The following DPP10 variants were observed in gnomAD, a reference collection of about 807,000 sequenced individuals.
DPP10 encodes dipeptidyl peptidase like 10.
A neutral mutation model predicts 120.9 loss-of-function variants in DPP10; 33 were observed. The observed-to-expected ratio is 0.27, with a 90% CI of 0.21 to 0.37. DPP10 has a LOEUF of 0.37. Ranked by LOEUF, DPP10 falls within the 10% of genes least tolerant of loss-of-function variation. DPP10 has a pLI of 1.00. For synonymous variants in DPP10, 337 were observed against 326.1 expected (o/e 1.03, Z -0.36); for missense variants, 816 against 942.8 (o/e 0.87, Z 1.76).
chr2:114,443,281 G>A (rs186358741), intron 1 of DPP10, among the ~76,000 whole-genome samples: 6 of 152,074 alleles, frequency 3.9e-5, no homozygotes. Context: ...ATCCTTCATT[G>A]TGAGCATTGA....
intron 1 of DPP10, among the ~76,000 whole-genome samples, chr2:115,244,255 G>T (rs867672844): frequency 0.059 from 8,048 of 137,428 alleles, 211 homozygotes; most frequent in Middle Eastern, 0.086. Context: ...GAGAGAGAGA[G>T]AGAGAGAGAG....
At chr2:114,991,300 T>C (rs1008414021) in intron 1 of DPP10, among the ~76,000 whole-genome samples, 2 of 152,092 alleles carry the variant, frequency 1.3e-5, no homozygotes, top group Non-Finnish European at 2.9e-5. Context: ...AAGAGAAAGG[T>C]AGAGTGTTCA....
At chr2:115,594,574 C>G (rs2082876550) in intron 5 of DPP10, among the ~76,000 whole-genome samples, 1 of 152,146 alleles carries the variant, frequency 6.6e-6, no homozygotes, top group African/African-American at 2.4e-5. Context: ...TTTAGCTCTC[C>G]AGTGAAAGTT....
chr2:115,317,519 G>C lies in DPP10; in HGVS notation c.175+8166G>C, dbSNP rs189797457. On this transcript the variant is annotated intron_variant, in intron 2 of 25. Transcript: ENST00000410059. ...ATTGCTAGATCCTATGGTAATTTCT[G>C]TGTTTAAATGTCTGAAGAACTATTT... is the stretch of plus-strand genomic sequence containing the variant. Among the ~76,000 whole-genome samples, 351 of 152,150 alleles carry C rather than the reference G, an allele frequency of 2.3e-3. 1 individual carries two copies. Among genetic ancestry groups the C allele is most frequent in the South Asian group, 0.014 (67 of 4,818 alleles).
chr2:115,668,395 C>G (rs2089625392), intron 5 of DPP10, among the ~76,000 whole-genome samples: 1 of 152,090 alleles, frequency 6.6e-6, no homozygotes, highest in Non-Finnish European at 1.5e-5. Context: ...TTCTCTCTGT[C>G]TTACATGCTC....
intron 5 of DPP10, among the ~76,000 whole-genome samples, chr2:115,643,586 C>T (rs752960500): frequency 3.0e-4 from 46 of 152,146 alleles, no homozygotes; most frequent in Admixed American, 1.0e-3. Context: ...GCACATAAGA[C>T]GTTATAAAAA....
At chr2:115,578,610 G>A (rs533618021) in intron 5 of DPP10, among the ~76,000 whole-genome samples, 30 of 152,270 alleles carry the variant, frequency 2.0e-4, no homozygotes, top group Middle Eastern at 3.4e-3. Flanking sequence ...AGAAAGAGAA[G>A]CCACCTGGAT....
intron 1 of DPP10, among the ~76,000 whole-genome samples, chr2:114,549,831 G>C (rs1049962416): frequency 4.6e-5 from 7 of 152,254 alleles, no homozygotes; most frequent in Admixed American, 4.6e-4. Context: ...GGCTCTGAGA[G>C]CTGGAGGGGG....
intron 5 of DPP10, among the ~76,000 whole-genome samples, chr2:115,575,635 T>C (rs1368822948): frequency 6.6e-6 from 1 of 152,158 alleles, no homozygotes; most frequent in African/African-American, 2.4e-5. Context: ...CAATTATCCA[T>C]GTTGAAAGAC....
intron 1 of DPP10, among the ~76,000 whole-genome samples, chr2:115,097,444 G>C (rs2048458442): frequency 6.6e-6 from 1 of 152,136 alleles, no homozygotes; most frequent in Non-Finnish European, 1.5e-5. Context: ...CACTAATGAA[G>C]AATTTCTTTA....
At chr2:115,515,257 T>C (rs143846846) in intron 4 of DPP10, among the ~76,000 whole-genome samples, 103 of 152,046 alleles carry the variant, frequency 6.8e-4, no homozygotes, top group African/African-American at 2.2e-3. Flanking sequence ...TATTGGTGAG[T>C]CAAAGAAAGT....
At chr2:115,280,060 C>T (rs979563094) in intron 1 of DPP10, among the ~76,000 whole-genome samples, 2 of 152,084 alleles carry the variant, frequency 1.3e-5, no homozygotes, top group Non-Finnish European at 2.9e-5. Context: ...ATTAAATAAA[C>T]TGTAGAAGGG....
At chr2:114,865,605 C>T (rs1167764461) in intron 1 of DPP10, among the ~76,000 whole-genome samples, 1 of 152,124 alleles carries the variant, frequency 6.6e-6, no homozygotes, top group Non-Finnish European at 1.5e-5. Context: ...AGTGAAGATG[C>T]TGGGACACGT....
chr2:114,946,752 T>A (rs958078137), intron 1 of DPP10, among the ~76,000 whole-genome samples: 1 of 152,076 alleles, frequency 6.6e-6, no homozygotes, highest in African/African-American at 2.4e-5. Flanking sequence ...TTCTTCTTAT[T>A]TCTCGGAAGG....
At chr2:114,627,901 A>G (rs758535291) in intron 1 of DPP10, among the ~76,000 whole-genome samples, 11 of 152,128 alleles carry the variant, frequency 7.2e-5, no homozygotes, top group Admixed American at 3.3e-4. Context: ...AAGACGGTGC[A>G]TTATGGCTTT....
At chr2:114,505,638 T>C (rs1476559772) in intron 1 of DPP10, among the ~76,000 whole-genome samples, 2 of 152,074 alleles carry the variant, frequency 1.3e-5, no homozygotes, top group African/African-American at 4.8e-5. Context: ...ACATCTCCAT[T>C]TTACAAATAA....
At chr2:114,713,316 C>T (rs867427830) in intron 1 of DPP10, among the ~76,000 whole-genome samples, 1 of 152,088 alleles carries the variant, frequency 6.6e-6, no homozygotes, top group Admixed American at 6.5e-5. Context: ...CTGACGCAGT[C>T]TTTCAGTCTT....
chr2:115,483,487 G>C, intron 3 of DPP10, among the ~76,000 whole-genome samples: 1 of 114,722 alleles, frequency 8.7e-6, no homozygotes, highest in African/African-American at 2.9e-5. Context: ...ATCTGTATGT[G>C]TATGTGTGTG....
At chr2:114,556,234 C>CATATATATATATATATAT (rs56772742) in intron 1 of DPP10, among the ~76,000 whole-genome samples, 50 of 86,936 alleles carry the variant, frequency 5.8e-4, no homozygotes, top group African/African-American at 6.4e-4. Flanking sequence ...ATAGATGATA[C>CATATATATATATATATAT]ATATATATAT....
Sources: gnomAD v4.1 joint callset for allele counts (sites outside exome capture counted in the v4.1 genomes callset) on GRCh38, gnomAD v4.1.1 for gene constraint, MANE v1.5 for transcripts, NCBI Gene and HGNC (gene_info 2026-07-23, HGNC 2026-07-21) for gene names.